The following DGKZ variants were observed in gnomAD, a reference collection of about 807,000 sequenced individuals.
The protein encoded by DGKZ is DAG kinase zeta.
Under a neutral mutation model 142.5 loss-of-function variants are expected in DGKZ, and 45 were observed. The ratio of observed to expected loss-of-function variants is 0.32; its 90% CI spans 0.25 to 0.40. The LOEUF (loss-of-function observed/expected upper bound fraction) is 0.40. Ranked by LOEUF, DGKZ falls within the 10% of genes least tolerant of loss-of-function variation. DGKZ has a pLI of 1.00. For synonymous variants in DGKZ, 442 were observed against 527.0 expected (o/e 0.84, Z 2.21); for missense variants, 755 against 1,306.5 (o/e 0.58, Z 6.51).
At chr11:46,340,433 G>A (rs1940223859) in intron 1 of DGKZ, among the ~76,000 whole-genome samples, 1 of 152,142 alleles carries the variant, frequency 6.6e-6, no homozygotes, top group Non-Finnish European at 1.5e-5. Flanking sequence ...CCAGACTAAG[G>A]GGAGAGCTGT....
upstream of DGKZ, among the ~76,000 whole-genome samples, chr11:46,345,889 C>T (rs1356092925): frequency 6.6e-6 from 1 of 152,188 alleles, no homozygotes; most frequent in African/African-American, 2.4e-5. This position sits in a 1 kb window ranked among gnomAD's most constrained non-coding sequence, Gnocchi z 4.1. Flanking sequence ...GCTGCAAGGC[C>T]TTGTGGAGAC....
At chr11:46,379,366 GC>G in intron 29 of DGKZ, 102 bp from the exon 30 acceptor site, 2 of 1,564,148 alleles carry the variant, frequency 1.3e-6, no homozygotes, top group Non-Finnish European at 1.7e-6. Flanking sequence ...CACCCCTATT[GC>G]CCCAGAGCCC....
chr11:46,345,682 C>A, upstream of DGKZ: 2 of 1,239,020 alleles, frequency 1.6e-6, no homozygotes, highest in Non-Finnish European at 2.2e-6. This position sits in a 1 kb window ranked among gnomAD's most constrained non-coding sequence, Gnocchi z 4.1. Context: ...GGTCACCCAT[C>A]TGTCATCCAG....
At chr11:46,366,295 G>A (rs1291530637) in intron 1 of DGKZ, 2 of 1,583,688 alleles carry the variant, frequency 1.3e-6, no homozygotes, top group Non-Finnish European at 1.7e-6. Context: ...GGGGGAAGGT[G>A]CCAGGCCCTG....
rs372061661 is a variant in DGKZ at position 46,369,996 on chromosome 11, G to A, written c.557G>A (p.Arg186Gln). The change falls in exon 6 of 31, where the codon CGG becomes CAG. Residue 186 changes from arginine to glutamine, a missense_variant. Coordinates refer to ENST00000527911, the Ensembl canonical transcript of DGKZ. Reference sequence around the variant, plus strand: ...AGACGACGCCAGGACGGCAAGTGTCGGCACTGTGGGAAGGTGAGAGGCCCT... The same window carrying A: ...AGACGACGCCAGGACGGCAAGTGTCAGCACTGTGGGAAGGTGAGAGGCCCT... 5.0e-5 allele frequency: 81 copies of A among 1,613,638 alleles called. No homozygotes were observed. Among genetic ancestry groups the A allele is most frequent in the Non-Finnish European group, 6.4e-5 (76 of 1,180,032 alleles).
chr11:46,357,201 G>A (rs1942127955), intron 1 of DGKZ, among the ~76,000 whole-genome samples: 1 of 152,154 alleles, frequency 6.6e-6, no homozygotes, highest in African/African-American at 2.4e-5. Flanking sequence ...TCACCAAGGA[G>A]CTCAGGCCAG....
chr11:46,372,202 T>C lies in DGKZ; in HGVS notation c.927+32T>C. 6.4e-7 allele frequency: 1 copy of C among 1,556,032 alleles called. No individual in the cohort carries two copies. The highest frequency in any genetic ancestry group is 8.7e-7 in the Non-Finnish European group (1 of 1,146,168). On this transcript the variant is annotated intron_variant, in intron 10 of 30. Coordinates refer to ENST00000527911, the Ensembl canonical transcript of DGKZ. The surrounding 1 kb of genome is among the most constrained non-coding windows in gnomAD (Gnocchi z 5.9). ...GCGGCCTTGCCTCTCAGCTAAGGGC[T>C]CGGGCGGGGGTTGGGGTCCAGCCCG...
chr11:46,373,408 T>C (rs1257307363), intron 14 of DGKZ, among the ~76,000 whole-genome samples: 1 of 148,774 alleles, frequency 6.7e-6, no homozygotes, highest in Non-Finnish European at 1.5e-5. Context: ...TGCCTCAGCC[T>C]CCTGAGTAGC....
chr11:46,369,511 G>A lies in DGKZ; in HGVS notation c.462G>A (p.Lys154=), dbSNP rs75106374. ...TTTCACAGATAAATTTCCGCTGTAA[G>A]CCGTCCTTCCGTGAATCAGGCTCCA... Residue 154 remains lysine (K), a synonymous_variant, in exon 5 of 31, where the codon AAG becomes AAA. Coordinates refer to ENST00000527911, the Ensembl canonical transcript of DGKZ. The A allele has an allele frequency of 5.8e-5, 94 of 1,613,872 alleles. No homozygotes were observed. Among genetic ancestry groups the A allele is most frequent in the Admixed American group, 1.0e-4 (6 of 60,022 alleles).
exon 30 of DGKZ, chr11:46,379,546 C>G (rs746698494): frequency 1.9e-6 from 3 of 1,610,544 alleles, no homozygotes; most frequent in Non-Finnish European, 2.5e-6. Context: ...GCCGGGGCCT[C>G]GCTCATGAAG....
At chr11:46,363,712 G>T (rs1942942212) in intron 1 of DGKZ, among the ~76,000 whole-genome samples, 1 of 152,236 alleles carries the variant, frequency 6.6e-6, no homozygotes, top group Non-Finnish European at 1.5e-5. Flanking sequence ...GTAGCATCAG[G>T]CGGTGTGTCC....
chr11:46,379,645 TG>T, intron 30 of DGKZ, 77 bp downstream of exon 30: 2 of 1,387,514 alleles, frequency 1.4e-6, no homozygotes, highest in Non-Finnish European at 2.0e-6. Context: ...GAGCTGGGGC[TG>T]GGGGCTGTCC....
upstream of DGKZ, chr11:46,345,263 C>A: frequency 4.4e-6 from 6 of 1,358,990 alleles, no homozygotes; most frequent in Non-Finnish European, 5.6e-6. This position sits in a 1 kb window ranked among gnomAD's most constrained non-coding sequence, Gnocchi z 4.1. Flanking sequence ...CAGCTCTTCA[C>A]GGCAGCTGGC....
At position 46,371,688 on chromosome 11, in the gene DGKZ, C is replaced by G; in HGVS notation, c.760-16C>G. On this transcript the variant is annotated splice_polypyrimidine_tract_variant and intron_variant, in intron 8 of 30. Transcript: ENST00000527911. The stretch of plus-strand genomic sequence containing the variant: ...GCCTGCCCACCTCGTCACCAACACC[C>G]CTGCTTCCCTTGCAGAATACTCTGA... 1 of 1,613,936 alleles carries G rather than the reference C, an allele frequency of 6.2e-7. No individual in the cohort carries two copies. Among genetic ancestry groups the G allele is most frequent in the South Asian group, 1.1e-5 (1 of 91,044 alleles).
chr11:46,354,989 C>T (rs1218871944), intron 1 of DGKZ, among the ~76,000 whole-genome samples: 2 of 152,262 alleles, frequency 1.3e-5, no homozygotes, highest in African/African-American at 2.4e-5. Flanking sequence ...CAAGCGATCC[C>T]TCTGTGTTCT....
chr11:46,354,770 G>A (rs773617771), intron 1 of DGKZ, among the ~76,000 whole-genome samples: 27 of 152,168 alleles, frequency 1.8e-4, no homozygotes, highest in Non-Finnish European at 8.8e-5. Flanking sequence ...GTGCTGTTTC[G>A]TATGATTTTA....
At chr11:46,344,381 A>G (rs551839048), upstream of DGKZ, among the ~76,000 whole-genome samples, 1 of 151,282 alleles carries the variant, frequency 6.6e-6, no homozygotes, top group East Asian at 1.9e-4. Context: ...TTCAATAAGT[A>G]TTTATTGAAT....
rs368761340 is a variant in DGKZ, at chr11:46,369,583, C to T, written c.501+33C>T. ...CCCAGGGTGGTCAGGGATGGGGCCA[C>T]CCTAAGATTCCTGCATGGGCCTCTG... is the stretch of plus-strand genomic sequence containing the variant. On this transcript the variant is annotated intron_variant, in intron 5 of 30. Coordinates refer to ENST00000527911, the Ensembl canonical transcript of DGKZ. 16 of 1,611,482 alleles carry T rather than the reference C, an allele frequency of 9.9e-6. No individual in the cohort carries two copies. In the African/African-American group the frequency reaches 1.5e-4, roughly 15 times the overall value.
rs1944047003 is a variant in DGKZ, at chr11:46,372,399, A to T, written c.928-29A>T. 2.5e-6 allele frequency: 4 copies of T among 1,611,736 alleles called. No homozygotes were observed. Among genetic ancestry groups the T allele is most frequent in the Non-Finnish European group, 3.4e-6 (4 of 1,178,230 alleles). On this transcript the variant is annotated intron_variant, in intron 10 of 30. Coordinates refer to ENST00000527911, the Ensembl canonical transcript of DGKZ. The surrounding 1 kb of genome is among the most constrained non-coding windows in gnomAD (Gnocchi z 5.9). ...TCCCACTTCGTCCCACCACTGCCTG[A>T]CTGTCTCTTGGCTCCCCATCCCATC...
Sources: gnomAD v4.1 joint callset for allele counts (sites outside exome capture counted in the v4.1 genomes callset) on GRCh38, gnomAD v4.1.1 for gene constraint, Gnocchi (gnomAD v3.1) non-coding constraint, MANE v1.5 for transcripts, NCBI Gene and HGNC (gene_info 2026-07-23, HGNC 2026-07-21) for gene names.